The following TRPC6 variants were observed in gnomAD, a reference collection of about 807,000 sequenced individuals.
TRPC6 encodes the protein short transient receptor potential channel 6.
A neutral mutation model predicts 90.7 loss-of-function variants in TRPC6; 55 were observed. That is an observed-to-expected ratio of 0.61 (90% CI 0.49 to 0.76). The LOEUF (loss-of-function observed/expected upper bound fraction) is 0.76. Ranked by LOEUF, TRPC6 falls within the 30% of genes least tolerant of loss-of-function variation. The pLI is 0.00. For synonymous variants in TRPC6, 393 were observed against 393.0 expected (o/e 1.00, Z 0.00); for missense variants, 989 against 1,122.7 (o/e 0.88, Z 1.70).
At chr11:101,580,586 A>AACTGAAGCCCCATTACT (rs200863158) in intron 1 of TRPC6, among the ~76,000 whole-genome samples, 2 of 135,900 alleles carry the variant, frequency 1.5e-5, no homozygotes, top group East Asian at 2.0e-4. Context: ...TATAAATAAA[A>AACTGAAGCCCCATTACT]ACTGAAGCCC....
chr11:101,498,557 G>A (rs10791484), intron 2 of TRPC6, among the ~76,000 whole-genome samples: 151,697 of 152,216 alleles, frequency 1, 75,591 homozygotes, highest in East Asian at 1. Context: ...ACCCAGTAAC[G>A]TCTCCCATGG....
At chr11:101,525,278 A>G (rs1860752736) in intron 1 of TRPC6, among the ~76,000 whole-genome samples, 1 of 152,212 alleles carries the variant, frequency 6.6e-6, no homozygotes, top group Non-Finnish European at 1.5e-5. Context: ...TAAGAGTGTG[A>G]TCTTGAGTGA....
Position 101,581,147 on chromosome 11 carries a change from G to T in TRPC6, c.170+2187C>A, listed in dbSNP as rs141898268. ...TACCTCTGACATCACGCAGAGGGTG[G>T]ATGTTATGAATTGAAGCACATTAAA... On this transcript the variant is annotated intron_variant, in intron 1 of 12. Transcript: ENST00000344327. Among the ~76,000 whole-genome samples the T allele has an allele frequency of 3.1e-3, 478 of 152,300 alleles. 1 individual carries two copies. The highest frequency in any genetic ancestry group is 0.011 in the African/African-American group (450 of 41,560).
chr11:101,523,125 A>G (rs1860698536), intron 1 of TRPC6, among the ~76,000 whole-genome samples: 1 of 152,086 alleles, frequency 6.6e-6, no homozygotes, highest in Non-Finnish European at 1.5e-5. Context: ...AAAACAAAGA[A>G]CCCTTACTCT....
At chr11:101,474,320 T>C (rs1187591186) in intron 6 of TRPC6, among the ~76,000 whole-genome samples, 1 of 152,170 alleles carries the variant, frequency 6.6e-6, no homozygotes, top group African/African-American at 2.4e-5. Context: ...GTAACTTTTA[T>C]TGGTCACTCA....
intron 6 of TRPC6, among the ~76,000 whole-genome samples, chr11:101,474,388 A>G (rs1565208117): frequency 6.6e-6 from 1 of 152,112 alleles, no homozygotes; most frequent in Non-Finnish European, 1.5e-5. Flanking sequence ...TTTTTTTGGC[A>G]TTATTACATC....
At chr11:101,499,350 G>A (rs1860032296) in intron 2 of TRPC6, among the ~76,000 whole-genome samples, 2 of 151,762 alleles carry the variant, frequency 1.3e-5, no homozygotes, top group African/African-American at 4.8e-5. Flanking sequence ...AATGGTCAAA[G>A]CCCATGGATG....
chr11:101,531,515 A>C (rs1164094590), intron 1 of TRPC6, among the ~76,000 whole-genome samples: 3 of 152,228 alleles, frequency 2.0e-5, no homozygotes, highest in Non-Finnish European at 2.9e-5. Flanking sequence ...AACATCATGC[A>C]TAACATTTAT....
intron 5 of TRPC6, among the ~76,000 whole-genome samples, chr11:101,478,164 C>G (rs972933668): frequency 6.6e-6 from 1 of 152,166 alleles, no homozygotes; most frequent in Non-Finnish European, 1.5e-5. Flanking sequence ...AGGAAATGCC[C>G]CGTCTCTAAT....
Position 101,476,547 on chromosome 11 carries a change from G to A in TRPC6, c.1511-13C>T. ...GCCCATATCATGCCTGCATCAGAAA[G>A]GGGTTAAAATATCAATTCAATCGCA... On this transcript the variant is annotated splice_polypyrimidine_tract_variant and intron_variant, in intron 5 of 12. Transcript: ENST00000344327. 3 of 1,601,276 alleles carry A rather than the reference G, an allele frequency of 1.9e-6. No individual in the cohort carries two copies. The highest frequency in any genetic ancestry group is 2.6e-6 in the Non-Finnish European group (3 of 1,168,452).
intron 5 of TRPC6, among the ~76,000 whole-genome samples, chr11:101,480,602 A>C (rs1209821057): frequency 6.6e-6 from 1 of 152,156 alleles, no homozygotes; most frequent in African/African-American, 2.4e-5. Flanking sequence ...TTAATTTTTC[A>C]AAGTTTCATC....
intron 5 of TRPC6, among the ~76,000 whole-genome samples, chr11:101,482,707 C>G (rs546334851): frequency 6.6e-6 from 1 of 152,174 alleles, no homozygotes; most frequent in South Asian, 2.1e-4. Flanking sequence ...TTGATACTAC[C>G]CTGTTGGTTT....
chr11:101,543,427 A>G (rs967702914), intron 1 of TRPC6, among the ~76,000 whole-genome samples: 1 of 152,148 alleles, frequency 6.6e-6, no homozygotes, highest in African/African-American at 2.4e-5. Context: ...AATCCTAAGC[A>G]AAAAGAACAA....
intron 1 of TRPC6, among the ~76,000 whole-genome samples, chr11:101,558,756 A>G (rs1216142270): frequency 6.6e-6 from 1 of 152,090 alleles, no homozygotes; most frequent in East Asian, 1.9e-4. Context: ...AGAATACACA[A>G]TGGTAACTAT....
chr11:101,504,395 A>C lies in TRPC6; in HGVS notation c.574T>G (p.Leu192Val), dbSNP rs967524458. ...SHPAFAEGKR[L>V]ATSPSQSELQ... is the part of the protein sequence containing the mutation. ...TCAGACTGGCTAGGGCTGGTTGCTAACCTCTTGCCTTCAGCAAAAGCCGGA... is the reference window on the plus strand; with the variant it reads ...TCAGACTGGCTAGGGCTGGTTGCTACCCTCTTGCCTTCAGCAAAAGCCGGA... Residue 192 changes from leucine (L) to valine (V), a missense_variant, in exon 2 of 13, where the codon TTA (leucine) becomes GTA (valine). Leu to Val is a conservative substitution (Grantham distance 32). Coordinates refer to ENST00000344327, the MANE Select transcript of TRPC6 (RefSeq NM_004621.6). 3.7e-6 allele frequency: 6 copies of C among 1,613,958 alleles called. No homozygotes were observed. Among genetic ancestry groups the C allele is most frequent in the African/African-American group, 2.7e-5 (2 of 74,910 alleles).
rs191065934 is a variant in TRPC6 at position 101,457,439 on chromosome 11, G to A, written c.2485-2338C>T. Among the ~76,000 whole-genome samples, 1,284 of 152,198 alleles carry A rather than the reference G, an allele frequency of 8.4e-3. 9 individuals carry two copies. The highest frequency in any genetic ancestry group is 0.015 in the Non-Finnish European group (997 of 67,988). On this transcript the variant is annotated intron_variant, in intron 10 of 12. Coordinates refer to ENST00000344327, the MANE Select transcript of TRPC6 (RefSeq NM_004621.6). Reference sequence around the variant, plus strand: ...TAACTTGTTTCTAATTCGTTAAAAAGAACAAGTAATTTTAAGTCTTTAAAG... The same window carrying A: ...TAACTTGTTTCTAATTCGTTAAAAAAAACAAGTAATTTTAAGTCTTTAAAG...
chr11:101,555,909 CA>C (rs1171890509), intron 1 of TRPC6, among the ~76,000 whole-genome samples: 1 of 152,060 alleles, frequency 6.6e-6, no homozygotes, highest in Non-Finnish European at 1.5e-5. Context: ...AAATCAGTAA[CA>C]GGGGGACTTT....
At chr11:101,561,379 C>T (rs10791502) in intron 1 of TRPC6, among the ~76,000 whole-genome samples, 108,854 of 152,080 alleles carry the variant, frequency 0.72, 39,439 homozygotes, top group East Asian at 0.98. Context: ...GTAAGTCATT[C>T]ATTTCAGTTA....
intron 1 of TRPC6, among the ~76,000 whole-genome samples, chr11:101,524,519 G>A (rs142395517): frequency 6.6e-6 from 1 of 152,342 alleles, no homozygotes; most frequent in Non-Finnish European, 1.5e-5. Context: ...AAAGTGTACA[G>A]GCATGAGCCA....
Sources: gnomAD v4.1 joint callset for allele counts (sites outside exome capture counted in the v4.1 genomes callset) on GRCh38, gnomAD v4.1.1 for gene constraint, MANE v1.5 for transcripts, NCBI Gene and HGNC (gene_info 2026-07-23, HGNC 2026-07-21) for gene names.